BCL11B: variants seen among roughly 807,000 people sequenced by gnomAD.
BCL11B encodes the protein BCL11 transcription factor B.
In BCL11B, 8 loss-of-function variants were observed where a neutral mutation model predicts 49.9. The observed-to-expected ratio is 0.16, with a 90% CI of 0.09 to 0.29. The LOEUF (loss-of-function observed/expected upper bound fraction) is 0.29, where lower values mean the gene tolerates loss of function less well. Ranked by LOEUF, BCL11B falls within the 10% of genes least tolerant of loss-of-function variation. BCL11B has a pLI of 1.00. For missense variants in BCL11B, 1,006 were observed against 1,351.0 expected, an observed-to-expected ratio of 0.74 and a Z score of 4.00; for synonymous variants, 739 against 637.4, an observed-to-expected ratio of 1.16 and a Z score of -2.40.
intron 3 of BCL11B, among the ~76,000 whole-genome samples, 186 bp from the exon 4 acceptor site, chr14:99,176,381 C>G (rs748400936): frequency 6.6e-6 from 1 of 152,158 alleles, no homozygotes. Context: ...GCTGGGGGGC[C>G]GAAGACGCAG....
intron 2 of BCL11B, among the ~76,000 whole-genome samples, chr14:99,235,063 C>T (rs928598465): frequency 6.6e-6 from 1 of 152,174 alleles, no homozygotes; most frequent in Non-Finnish European, 1.5e-5. Context: ...ACTCACCCAG[C>T]GAACACGCCC....
chr14:99,229,688 T>C (rs1437180653), intron 3 of BCL11B, among the ~76,000 whole-genome samples: 2 of 152,190 alleles, frequency 1.3e-5, no homozygotes, highest in Admixed American at 6.5e-5. Flanking sequence ...AGCAAAGCCC[T>C]GGGTGAGCCT....
intron 1 of BCL11B, among the ~76,000 whole-genome samples, chr14:99,258,304 G>A (rs892784959): frequency 6.6e-6 from 1 of 152,162 alleles, no homozygotes; most frequent in African/African-American, 2.4e-5. Flanking sequence ...ACAAACATCG[G>A]AATAGTCTTT....
intron 3 of BCL11B, among the ~76,000 whole-genome samples, chr14:99,198,645 G>A (rs1001279300): frequency 2.0e-5 from 3 of 152,034 alleles, no homozygotes; most frequent in Admixed American, 2.0e-4. Flanking sequence ...GAAAGGTCTC[G>A]CGACACATTC....
At chr14:99,203,181 C>T (rs560005625) in intron 3 of BCL11B, among the ~76,000 whole-genome samples, 1 of 152,188 alleles carries the variant, frequency 6.6e-6, no homozygotes, top group Admixed American at 6.5e-5. Context: ...TTCCCGTTCT[C>T]GTTCCCCATG....
rs1258088927 is a variant in BCL11B at position 99,171,682 on chromosome 14, G to A, written c.*2469C>T. Reference sequence around the variant, plus strand: ...CTACATACTTTTTCTACATGGTGTAGCAATCCCCTTTGAATCCCCAAATAC... The same window carrying A: ...CTACATACTTTTTCTACATGGTGTAACAATCCCCTTTGAATCCCCAAATAC... On this transcript the variant is annotated 3_prime_UTR_variant, in exon 4 of 4. Transcript: ENST00000357195. The A allele has an allele frequency of 9.6e-6, 2 of 208,586 alleles. No homozygotes were observed. Among genetic ancestry groups the A allele is most frequent in the African/African-American group, 4.6e-5 (2 of 43,694 alleles). 12.9% of individuals were successfully genotyped at this position (208,586 alleles called of 1,614,324 possible).
At chr14:99,269,696 T>TAAA (rs1889598019) in intron 1 of BCL11B, among the ~76,000 whole-genome samples, 1 of 149,832 alleles carries the variant, frequency 6.7e-6, no homozygotes, top group African/African-American at 2.4e-5. Flanking sequence ...AAATATAACA[T>TAAA]AAATATTCGG....
chr14:99,263,757 A>G (rs1889404211), intron 1 of BCL11B, among the ~76,000 whole-genome samples: 1 of 152,174 alleles, frequency 6.6e-6, no homozygotes, highest in African/African-American at 2.4e-5. Context: ...TCCCCAGCAC[A>G]AGAGCAGAAA....
chr14:99,176,387 C>T (rs1386051718), intron 3 of BCL11B, among the ~76,000 whole-genome samples, 192 bp from the exon 4 acceptor site: 3 of 152,166 alleles, frequency 2.0e-5, no homozygotes, highest in African/African-American at 7.2e-5. Flanking sequence ...GGGCCGAAGA[C>T]GCAGGTCTGT....
rs1888322329 is a variant in BCL11B at position 99,231,221 on chromosome 14, A to G, written c.640+124T>C. ...AACATTCTTTACCACTTCCCCTGGCACCCCAAAAAGCCTTCTGGGTGGGAG... is the reference window on the plus strand; with the variant it reads ...AACATTCTTTACCACTTCCCCTGGCGCCCCAAAAAGCCTTCTGGGTGGGAG... On this transcript the variant is annotated intron_variant, in intron 3 of 3. Coordinates refer to ENST00000357195, the MANE Select transcript of BCL11B (RefSeq NM_138576.4). The surrounding 1 kb of genome is among the most constrained non-coding windows in gnomAD (Gnocchi z 8.1). 9.4e-7 allele frequency: 1 copy of G among 1,060,354 alleles called. No homozygotes were observed. The highest frequency in any genetic ancestry group is 1.3e-6 in the Non-Finnish European group (1 of 743,798). 65.7% of individuals were successfully genotyped at this position (1,060,354 alleles called of 1,614,324 possible).
At chr14:99,186,530 G>A (rs149026896) in intron 3 of BCL11B, among the ~76,000 whole-genome samples, 42 of 152,290 alleles carry the variant, frequency 2.8e-4, no homozygotes, top group African/African-American at 6.7e-4. Flanking sequence ...AAAAAAAAGT[G>A]CATCATGCAG....
At chr14:99,212,001 C>T (rs1171436432) in intron 3 of BCL11B, among the ~76,000 whole-genome samples, 1 of 152,072 alleles carries the variant, frequency 6.6e-6, no homozygotes, top group Non-Finnish European at 1.5e-5. Context: ...GAGTTGGTTC[C>T]AAACTCAGAA....
In BCL11B at chr14:99,184,516, A is replaced by G. The variant is rs796854785; in HGVS notation, c.641-8321T>C. Among the ~76,000 whole-genome samples, 8 of 152,286 alleles carry G rather than the reference A, an allele frequency of 5.3e-5. No individual in the cohort carries two copies. The highest frequency in any genetic ancestry group is 1.9e-4 in the African/African-American group (8 of 41,564). ...GAGAAAAGAAACTAAGTCTCATCAC[A>G]GCTGAGTGAGGGGCCCCAGGTCACA... On this transcript the variant is annotated intron_variant, in intron 3 of 3. Transcript: ENST00000357195. The surrounding 1 kb of genome is among the most constrained non-coding windows in gnomAD (Gnocchi z 6.1).
Position 99,170,949 on chromosome 14 carries a change from G to A in BCL11B, c.*3202C>T, listed in dbSNP as rs1408276638. 1 of 231,622 alleles carries A rather than the reference G, an allele frequency of 4.3e-6. No homozygotes were observed. Among genetic ancestry groups the A allele is most frequent in the African/African-American group, 2.2e-5 (1 of 45,234 alleles). The allele number at this position is 231,622 out of a possible 1,614,324, so 14.3% of individuals were successfully genotyped here. ...GCTTTCTGCTGGTAAGGGCGGGAGA[G>A]GTGGTGGTGGTGACCGCCACAGGAG... On this transcript the variant is annotated 3_prime_UTR_variant, in exon 4 of 4. Transcript: ENST00000357195.
At chr14:99,245,944 C>CG (rs1888818067) in intron 2 of BCL11B, among the ~76,000 whole-genome samples, 1 of 150,230 alleles carries the variant, frequency 6.7e-6, no homozygotes, top group South Asian at 2.2e-4. Context: ...TGGGGACCGA[C>CG]GGGGGCGGGG....
At position 99,174,568 on chromosome 14, in the gene BCL11B, G is replaced by C; in HGVS notation, c.2268C>G (p.Pro756=). 1.3e-6 allele frequency: 2 copies of C among 1,517,010 alleles called. No individual in the cohort carries two copies. The highest frequency in any genetic ancestry group is 1.8e-6 in the Non-Finnish European group (2 of 1,135,070). The allele number at this position is 1,517,010 out of a possible 1,614,324, so 94.0% of individuals were successfully genotyped here. A position where few individuals can be genotyped will look rare whatever the true frequency, so the allele number is the denominator to read the frequency against. Reference sequence around the variant, plus strand: ...AGAGGCCGCCGTCCAGCAGGTCCCCGGGCGGCGTGGAGAAGCGCAGGCTGC... The same window carrying C: ...AGAGGCCGCCGTCCAGCAGGTCCCCCGGCGGCGTGGAGAAGCGCAGGCTGC... ...ENGSLRFSTP[P]GDLLDGGLSG... Residue 756 remains proline, a synonymous_variant, in exon 4 of 4, where the codon CCC becomes CCG. Transcript: ENST00000357195.
chr14:99,209,696 G>A lies in BCL11B; in HGVS notation c.640+21649C>T, dbSNP rs79775282. Among the ~76,000 whole-genome samples the A allele has an allele frequency of 4.9e-3, 747 of 152,250 alleles. 8 individuals carry two copies. The highest frequency in any genetic ancestry group is 0.018 in the African/African-American group (729 of 41,558). Reference sequence around the variant, plus strand: ...AGCTAGGAGGCTGAGGGTGGGGGAAGAAGCCCGAGGGTGGGTGAGAGGTGA... The same window carrying A: ...AGCTAGGAGGCTGAGGGTGGGGGAAAAAGCCCGAGGGTGGGTGAGAGGTGA... On this transcript the variant is annotated intron_variant, in intron 3 of 3. Transcript: ENST00000357195.
rs928680783 is a variant in BCL11B, at chr14:99,241,493, G to A, written c.428-9936C>T. Among the ~76,000 whole-genome samples the A allele has an allele frequency of 3.3e-5, 5 of 151,904 alleles. No individual in the cohort carries two copies. The highest frequency in any genetic ancestry group is 1.3e-4 in the Admixed American group (2 of 15,260). On this transcript the variant is annotated intron_variant, in intron 2 of 3. Transcript: ENST00000357195. This position sits in a 1 kb window ranked among gnomAD's most constrained non-coding sequence, Gnocchi z 4.4. Reference sequence around the variant, plus strand: ...AAGAAAAAGAAAAAAAAAAATCTTCGCACCACATCACCAAAATGGCAGAAA... The same window carrying A: ...AAGAAAAAGAAAAAAAAAAATCTTCACACCACATCACCAAAATGGCAGAAA...
chr14:99,210,232 T>C (rs537489395), intron 3 of BCL11B, among the ~76,000 whole-genome samples: 4 of 152,174 alleles, frequency 2.6e-5, no homozygotes, highest in African/African-American at 9.7e-5. Context: ...CCAACTCTAA[T>C]GCGTCTCTGG....
Sources: gnomAD v4.1 joint callset for allele counts (sites outside exome capture counted in the v4.1 genomes callset) on GRCh38, gnomAD v4.1.1 for gene constraint, Gnocchi (gnomAD v3.1) non-coding constraint, MANE v1.5 for transcripts, NCBI Gene and HGNC (gene_info 2026-07-23, HGNC 2026-07-21) for gene names.